The following ABCC6 variants were observed in gnomAD, a reference collection of about 807,000 sequenced individuals.
The protein encoded by ABCC6 is ATP-binding cassette sub-family C member 6.
In ABCC6, 126 loss-of-function variants were observed where a neutral mutation model predicts 169.5. The observed-to-expected ratio is 0.74, with a 90% CI of 0.64 to 0.86. The LOEUF is 0.86. Among genes scored for constraint, ABCC6 ranks in the 40% least tolerant of loss-of-function variants. The pLI is 0.00. For synonymous variants in ABCC6, 752 were observed against 814.7 expected, an observed-to-expected ratio of 0.92 and a Z score of 1.31; for missense variants, 1,733 against 1,927.2, an observed-to-expected ratio of 0.90 and a Z score of 1.89.
chr16:16,203,762 C>T lies in ABCC6; in HGVS notation c.795-149G>A. The T allele has an allele frequency of 3.3e-6, 3 of 921,606 alleles. No individual in the cohort carries two copies. The South Asian group carries it at 4.3e-5, about 13-fold the overall frequency. 57.1% of individuals were successfully genotyped at this position (921,606 alleles called of 1,614,324 possible). ...CTCCCTCACCTGTTCCTCCTTATCA[C>T]CCTGAGTACCCACTTAAGAGGCAAT... On this transcript the variant is annotated intron_variant, in intron 7 of 30. Transcript: ENST00000205557.
intron 7 of ABCC6, among the ~76,000 whole-genome samples, chr16:16,206,397 G>GTA (rs2048392460): frequency 6.6e-6 from 1 of 151,980 alleles, no homozygotes; most frequent in African/African-American, 2.4e-5. Flanking sequence ...GGCCAATGCG[G>GTA]GCGAATCACC....
At chr16:16,178,741 G>A in intron 18 of ABCC6, 57 bp downstream of exon 18, 3 of 1,602,980 alleles carry the variant, frequency 1.9e-6, no homozygotes, top group Non-Finnish European at 1.7e-6. Flanking sequence ...AGGACTGGAT[G>A]CTAAGTGCTT....
At position 16,198,307 on chromosome 16, in the gene ABCC6, A is replaced by G. The variant is rs867469965; in HGVS notation, c.1177-125T>C. On this transcript the variant is annotated intron_variant, in intron 9 of 30. Transcript: ENST00000205557. ...GCGAGGTGGGTGAGTAAAGTCTCTT[A>G]GGCCAACCTCTCAGGGCTCTTTGAG... is the stretch of plus-strand genomic sequence containing the variant. 48 of 1,011,488 alleles carry G rather than the reference A, an allele frequency of 4.7e-5. 1 individual carries two copies. The Middle Eastern group carries it at 9.3e-4, about 20-fold the overall frequency. The allele number at this position is 1,011,488 out of a possible 1,614,324, so 62.7% of individuals were successfully genotyped here. A position where few individuals can be genotyped will look rare whatever the true frequency, so the allele number is the denominator to read the frequency against.
chr16:16,151,805 G>C (rs1376209960), intron 29 of ABCC6, among the ~76,000 whole-genome samples: 3 of 152,162 alleles, frequency 2.0e-5, no homozygotes, highest in Admixed American at 1.3e-4. Context: ...CAAGGCTAGT[G>C]GTGGGTCCAT....
At chr16:16,191,011 G>C (rs7193728) in intron 11 of ABCC6, among the ~76,000 whole-genome samples, 81,171 of 146,608 alleles carry the variant, frequency 0.55, 23,820 homozygotes, top group Non-Finnish European at 0.66. Flanking sequence ...GACCAGAGGA[G>C]CGTGTGGGCA....
intron 23 of ABCC6, among the ~76,000 whole-genome samples, chr16:16,164,661 T>G (rs2046823344): frequency 6.6e-6 from 1 of 152,110 alleles, no homozygotes; most frequent in Non-Finnish European, 1.5e-5. Flanking sequence ...GTGTACAAAA[T>G]TAGACCAGAG....
intron 27 of ABCC6, among the ~76,000 whole-genome samples, chr16:16,155,974 G>A (rs918353227): frequency 7.9e-5 from 12 of 152,110 alleles, no homozygotes; most frequent in African/African-American, 2.9e-4. Flanking sequence ...GGAGTGCAGT[G>A]GTGCGATCTC....
chr16:16,155,406 A>C, intron 27 of ABCC6: 3 of 291,140 alleles, frequency 1.0e-5, no homozygotes, highest in South Asian at 6.0e-5. Context: ...TTTCCACCCC[A>C]TCCTGCCATC....
At chr16:16,208,183 CTGTT>C (rs1391478893) in intron 7 of ABCC6, among the ~76,000 whole-genome samples, 2 of 152,026 alleles carry the variant, frequency 1.3e-5, no homozygotes, top group East Asian at 3.9e-4. Flanking sequence ...TTGTAGGAAC[CTGTT>C]TGTTCCCCGT....
At position 16,203,604 on chromosome 16, in the gene ABCC6, CTTG is replaced by C. The variant is rs1185530488; in HGVS notation, c.801_803del (p.Asn267del). On this transcript the variant is annotated inframe_deletion, in exon 8 of 31. Coordinates refer to ENST00000205557, the MANE Select transcript of ABCC6 (RefSeq NM_001171.6). ...CGCCTTTCCTTTTAAATGCTATTGC[CTTG>C]TTGTGCCTGAGGGGAAGGGAGAGAT... 1 of 1,614,036 alleles carries C rather than the reference CTTG, an allele frequency of 6.2e-7. No homozygotes were observed. The highest frequency in any genetic ancestry group is 1.1e-5 in the South Asian group (1 of 91,078).
rs747688307 is a variant in ABCC6, at chr16:16,165,710, G to T, written c.3219C>A (p.Leu1073=). The change falls in exon 23 of 31, where the codon CTC becomes CTA. Residue 1073 remains leucine (L), a synonymous_variant. Transcript: ENST00000205557. ...LRSLLMYAFG[L]LEVSLVVAVA... ...CTGCCACCACCAGGCTGACCTCCAGGAGTCCAAAGGCGTACATCAGCAGGG... is the reference window on the plus strand; with the variant it reads ...CTGCCACCACCAGGCTGACCTCCAGTAGTCCAAAGGCGTACATCAGCAGGG... 1 of 1,613,558 alleles carries T rather than the reference G, an allele frequency of 6.2e-7. No homozygotes were observed. Among genetic ancestry groups the T allele is most frequent in the South Asian group, 1.1e-5 (1 of 91,090 alleles).
intron 11 of ABCC6, among the ~76,000 whole-genome samples, chr16:16,190,685 CTT>C (rs1354931045): frequency 1.4e-4 from 20 of 142,246 alleles, no homozygotes; most frequent in Admixed American, 2.1e-4. Context: ...TGAGCTACGT[CTT>C]TTTTTTTTTT....
At chr16:16,192,261 G>A (rs1248420528) in intron 11 of ABCC6, among the ~76,000 whole-genome samples, 1 of 152,166 alleles carries the variant, frequency 6.6e-6, no homozygotes, top group Admixed American at 6.6e-5. Context: ...GGGAAGGAGG[G>A]GAGATGGGTA....
intron 2 of ABCC6, chr16:16,221,237 C>T (rs1439603891): frequency 9.4e-7 from 1 of 1,069,176 alleles, no homozygotes; most frequent in East Asian, 3.9e-5. Flanking sequence ...AAATACATAT[C>T]ACATATAAAA....
Position 16,182,442 on chromosome 16 carries a change from A to G in ABCC6, c.2217T>C (p.Pro739=), listed in dbSNP as rs1160972203. Residue 739 remains proline, a synonymous_variant, in exon 17 of 31, where the codon CCT becomes CCC. Coordinates refer to ENST00000205557, the MANE Select transcript of ABCC6 (RefSeq NM_001171.6). The part of the protein sequence containing the change: ...CALQPDVDSF[P]EGIHTSIGEQ... ...CCCCAATTGAAGTGTGGATTCCCTC[A>G]GGGAAGCTGTCCACATCTGGCTGCA... The G allele has an allele frequency of 6.2e-7, 1 of 1,614,088 alleles. No homozygotes were observed. The highest frequency in any genetic ancestry group is 1.3e-5 in the African/African-American group (1 of 75,030).
In ABCC6 at chr16:16,169,630, G is replaced by A; in HGVS notation, c.2995+16C>T. The A allele has an allele frequency of 6.2e-7, 1 of 1,609,890 alleles. No individual in the cohort carries two copies. The highest frequency in any genetic ancestry group is 8.5e-7 in the Non-Finnish European group (1 of 1,179,388). On this transcript the variant is annotated intron_variant, in intron 22 of 30. Coordinates refer to ENST00000205557, the MANE Select transcript of ABCC6 (RefSeq NM_001171.6). The stretch of plus-strand genomic sequence containing the variant: ...CAGCTGGGAGGAGAGGGATGAGGAG[G>A]GCAGGTGAGGCGTACCTTGGAGACA...
Position 16,163,025 on chromosome 16 carries a change from C to A in ABCC6, c.3474G>T (p.Gln1158His). Residue 1158 changes from glutamine (Q) to histidine (H), a missense_variant, in exon 24 of 31, where the codon CAG (glutamine) becomes CAT (histidine). Around this residue, in one of 5 missense-constraint regions of ABCC6, gnomAD observed 1,601 missense variants for 1,635.5 expected, o/e 0.98. Transcript: ENST00000205557. ...CCACCAGTCGCGGGAAACTGATCCT[C>A]TGGCTTTCATCTACGCGAGCATTGT... ...AQNNARVDES[Q>H]RISFPRLVAD... The A allele has an allele frequency of 6.2e-7, 1 of 1,614,094 alleles. No homozygotes were observed. The highest frequency in any genetic ancestry group is 8.5e-7 in the Non-Finnish European group (1 of 1,180,034).
intron 15 of ABCC6, 101 bp from the exon 16 acceptor site, chr16:16,183,031 G>C (rs2047532505): frequency 6.4e-7 from 1 of 1,573,624 alleles, no homozygotes; most frequent in Admixed American, 1.7e-5. Context: ...TGCTCTGGGA[G>C]TCTCCAAGAG....
rs72650698 is a variant in ABCC6 at position 16,202,090 on chromosome 16, G to A, written c.1087C>T (p.Gln363Ter). ...ATGTTCTGCTGCTCAAACAGCGTTTGCAGGCAGGCTGAGAGGAACATCAGC... is the reference window on the plus strand; with the variant it reads ...ATGTTCTGCTGCTCAAACAGCGTTTACAGGCAGGCTGAGAGGAACATCAGC... ...AVLMFLSACL[Q>*]TLFEQQNMYR... Residue 363 changes from glutamine (Q) to a stop codon, truncating the protein, a stop_gained, in exon 9 of 31, where the codon CAA becomes TAA. Transcript: ENST00000205557. LOFTEE classifies it high-confidence loss of function. 1 of 1,614,036 alleles carries A rather than the reference G, an allele frequency of 6.2e-7. No homozygotes were observed. The highest frequency in any genetic ancestry group is 8.5e-7 in the Non-Finnish European group (1 of 1,179,882).
Sources: allele counts gnomAD v4.1 joint callset (sites outside exome capture counted in the v4.1 genomes callset), GRCh38; gene constraint gnomAD v4.1.1; regional missense constraint gnomAD v4.1.1; transcripts MANE v1.5; gene names NCBI Gene and HGNC (gene_info 2026-07-23, HGNC 2026-07-21).